TUBAL3: variants seen among roughly 807,000 people sequenced by gnomAD.
TUBAL3 encodes tubulin alpha like 3.
In TUBAL3, 16 loss-of-function variants were observed where a neutral mutation model predicts 15.5. That is an observed-to-expected ratio of 1.04 (90% confidence interval 0.70 to 1.57). The LOEUF is 1.57. Among genes scored for constraint, TUBAL3 ranks in the 40% most tolerant of loss-of-function variants. The pLI is 0.00. For missense variants in TUBAL3, 609 were observed against 576.2 expected, an observed-to-expected ratio of 1.06 and a Z score of -0.58; for synonymous variants, 238 against 224.3, an observed-to-expected ratio of 1.06 and a Z score of -0.55.
At chr10:5,403,028 TG>T (rs1831880031) in intron 1 of TUBAL3, among the ~76,000 whole-genome samples, 1 of 152,226 alleles carries the variant, frequency 6.6e-6, no homozygotes, top group African/African-American at 2.4e-5. Context: ...ATCAAACCTT[TG>T]TACTTTGTCT....
At position 5,393,881 on chromosome 10, in the gene TUBAL3, T is replaced by C; in HGVS notation, c.977A>G (p.Tyr326Cys). Residue 326 changes from tyrosine to cysteine, a missense_variant, in exon 4 of 4, where the codon TAT becomes TGT. By Grantham distance (194) the Tyr-to-Cys change is radical. Coordinates refer to ENST00000380419, the MANE Select transcript of TUBAL3 (RefSeq NM_024803.3). ...LGKYMACCLL[Y>C]RGDVVPKEVN... Reference sequence around the variant, plus strand: ...TTCCTTGGGGACCACATCCCCTCTATAGAGTAGGCAGCAGGCCATGTACTT... The same window carrying C: ...TTCCTTGGGGACCACATCCCCTCTACAGAGTAGGCAGCAGGCCATGTACTT... 1 of 1,614,156 alleles carries C rather than the reference T, an allele frequency of 6.2e-7. No homozygotes were observed. Among genetic ancestry groups the C allele is most frequent in the Non-Finnish European group, 8.5e-7 (1 of 1,180,034 alleles).
chr10:5,395,363 C>T lies in TUBAL3; in HGVS notation c.360G>A (p.Glu120=). ...TCCTCTCCAGCACAAGGTCGATGAC[C>T]TCCGACCCCACAGAGTAACGGCCTC... ...YARGRYSVGS[E]VIDLVLERTR... is the part of the protein sequence containing the mutation. Residue 120 remains glutamate (E), a synonymous_variant, in exon 3 of 4, where the codon GAG becomes GAA. Coordinates refer to ENST00000380419, the MANE Select transcript of TUBAL3 (RefSeq NM_024803.3). The surrounding 1 kb of genome is among the most constrained non-coding windows in gnomAD (Gnocchi z 4.6). The T allele has an allele frequency of 6.2e-6, 10 of 1,601,312 alleles. No individual in the cohort carries two copies. The highest frequency in any genetic ancestry group is 8.5e-6 in the Non-Finnish European group (10 of 1,172,374).
chr10:5,401,019 A>G lies in TUBAL3; in HGVS notation c.72T>C (p.Tyr24=). 1 of 1,614,186 alleles carries G rather than the reference A, an allele frequency of 6.2e-7. No individual in the cohort carries two copies. The highest frequency in any genetic ancestry group is 8.5e-7 in the Non-Finnish European group (1 of 1,180,026). ...TTGGCTGGATTCCATGTTCCAGGCA[A>G]TAGAGTTCCCAGCAGGCGTCCCCAA... ...IQIGDACWEL[Y]CLEHGIQPNG... is the part of the protein sequence containing the mutation. The change falls in exon 2 of 4, where the codon TAT becomes TAC. Residue 24 remains tyrosine (Y), a synonymous_variant. Transcript: ENST00000380419.
At chr10:5,400,331 G>A (rs552572205) in intron 2 of TUBAL3, among the ~76,000 whole-genome samples, 1 of 152,246 alleles carries the variant, frequency 6.6e-6, no homozygotes, top group East Asian at 1.9e-4. Context: ...TCATCACACA[G>A]GTAAAGAAGG....
At chr10:5,398,887 C>T (rs1412037431) in intron 2 of TUBAL3, among the ~76,000 whole-genome samples, 10 of 152,132 alleles carry the variant, frequency 6.6e-5, no homozygotes, top group African/African-American at 2.4e-4. Flanking sequence ...GTAGAAATGT[C>T]TATTAAGTTG....
At chr10:5,401,223 A>G in intron 1 of TUBAL3, 136 bp from the exon 2 acceptor site, 1 of 1,109,588 alleles carries the variant, frequency 9.0e-7, no homozygotes, top group Non-Finnish European at 1.3e-6. Context: ...AAGGATAATC[A>G]AAAGCGTTTC....
chr10:5,400,761 C>T (rs1831837604), intron 2 of TUBAL3, 83 bp downstream of exon 2: 1 of 1,539,684 alleles, frequency 6.5e-7, no homozygotes, highest in Non-Finnish European at 8.9e-7. Context: ...TCAGATAGAC[C>T]TGTATAATCT....
chr10:5,399,399 C>T (rs1554814440), intron 2 of TUBAL3, among the ~76,000 whole-genome samples: 1 of 152,198 alleles, frequency 6.6e-6, no homozygotes. Flanking sequence ...GAGACACAGA[C>T]TATTTCTCTG....
In TUBAL3 at chr10:5,393,992, T is replaced by C. The variant is rs782565558; in HGVS notation, c.866A>G (p.Tyr289Cys). The change falls in exon 4 of 4, where the codon TAC becomes TGC. Residue 289 changes from tyrosine (Y) to cysteine (C), a missense_variant. Coordinates refer to ENST00000380419, the MANE Select transcript of TUBAL3 (RefSeq NM_024803.3). Reference sequence around the variant, plus strand: ...GTCTGACACAGAGAACTGCTCATGGTAGGCTTTGTCAGCAGAGACGATGGG... The same window carrying C: ...GTCTGACACAGAGAACTGCTCATGGCAGGCTTTGTCAGCAGAGACGATGGG... Reference protein sequence around the residue: ...FAPIVSADKAYHEQFSVSDIT... With the variant: ...FAPIVSADKACHEQFSVSDIT... The C allele has an allele frequency of 6.2e-7, 1 of 1,614,110 alleles. No individual in the cohort carries two copies. Among genetic ancestry groups the C allele is most frequent in the East Asian group, 2.2e-5 (1 of 44,886 alleles).
rs1554814592 is a variant in TUBAL3, at chr10:5,400,974, A to G, written c.117T>C (p.Thr39=). The change falls in exon 2 of 4, where the codon ACT becomes ACC. Residue 39 remains threonine, a synonymous_variant. Transcript: ENST00000380419. The part of the protein sequence containing the change: ...GIQPNGVVLD[T]QQDQLENAKM... ...TTGCATTTTCCAGCTGATCCTGTTG[A>G]GTGTCAAGAACAACGCCATTTGGCT... 1 of 1,614,226 alleles carries G rather than the reference A, an allele frequency of 6.2e-7. No homozygotes were observed.
chr10:5,400,292 G>A (rs1453579728), intron 2 of TUBAL3, among the ~76,000 whole-genome samples: 6 of 152,162 alleles, frequency 3.9e-5, no homozygotes, highest in Non-Finnish European at 7.3e-5. Flanking sequence ...TGATATATGT[G>A]TGGATCAATT....
At chr10:5,404,696 T>C (rs1210731323) in intron 1 of TUBAL3, 94 bp downstream of exon 1, 3 of 1,312,462 alleles carry the variant, frequency 2.3e-6, no homozygotes, top group Non-Finnish European at 3.3e-6. Flanking sequence ...TTCTCTTGCA[T>C]TACAATTTTA....
Position 5,393,215 on chromosome 10 carries a change from C to T in TUBAL3, c.*302G>A, listed in dbSNP as rs888101101. 18 of 293,100 alleles carry T rather than the reference C, an allele frequency of 6.1e-5. No homozygotes were observed. Among genetic ancestry groups the T allele is most frequent in the African/African-American group, 3.7e-4 (17 of 46,384 alleles). The allele number at this position is 293,100 out of a possible 1,614,324, so 18.2% of individuals were successfully genotyped here. A position where few individuals can be genotyped will look rare whatever the true frequency, so the allele number is the denominator to read the frequency against. On this transcript the variant is annotated 3_prime_UTR_variant, in exon 4 of 4. Transcript: ENST00000380419. ...CGGTACCAGAAAGGAAAAGCATAAACTTCAGGATTTCATTGTCTCTTGGTA... is the reference window on the plus strand; with the variant it reads ...CGGTACCAGAAAGGAAAAGCATAAATTTCAGGATTTCATTGTCTCTTGGTA...
rs149687567 is a variant in TUBAL3 at position 5,393,833 on chromosome 10, G to A, written c.1025C>T (p.Thr342Met). Reference protein sequence around the residue: ...PKEVNAAIAATKSRHSVQFVD... With the variant: ...PKEVNAAIAAMKSRHSVQFVD... ...AAACTGAACAGAGTGCCTCGACTTC[G>A]TGGCTGCGATTGCTGCATTCACTTC... is the stretch of plus-strand genomic sequence containing the variant. The change falls in exon 4 of 4, where the codon ACG becomes ATG. Residue 342 changes from threonine (T) to methionine (M), a missense_variant. Physicochemically the swap from Thr to Met is moderately conservative, Grantham distance 81. Transcript: ENST00000380419. 9.5e-5 allele frequency: 154 copies of A among 1,614,190 alleles called. No homozygotes were observed. In the African/African-American group the frequency reaches 1.2e-3, roughly 13 times the overall value.
At chr10:5,403,966 C>T (rs1554814852) in intron 1 of TUBAL3, among the ~76,000 whole-genome samples, 2 of 152,292 alleles carry the variant, frequency 1.3e-5, no homozygotes, top group Admixed American at 6.5e-5. Context: ...AGATCCCTTG[C>T]ATCCGTTACC....
At position 5,393,539 on chromosome 10, in the gene TUBAL3, T is replaced by C; in HGVS notation, c.1319A>G (p.Glu440Gly). The part of the protein sequence containing the change: ...EDLAALERDY[E>G]EVAQSF The stretch of plus-strand genomic sequence containing the variant: ...GCCTCAGAAACTTTGCGCCACTTCC[T>C]CATAGTCCCTCTCCAGGGCTGCCAG... Residue 440 changes from glutamate (E) to glycine (G), a missense_variant, in exon 4 of 4, where the codon GAG becomes GGG. Physicochemically the swap from Glu to Gly is moderately conservative, Grantham distance 98. Transcript: ENST00000380419. The C allele has an allele frequency of 1.2e-6, 2 of 1,610,374 alleles. No individual in the cohort carries two copies. The highest frequency in any genetic ancestry group is 1.7e-6 in the Non-Finnish European group (2 of 1,178,208).
chr10:5,403,389 A>G (rs1369286367), intron 1 of TUBAL3, among the ~76,000 whole-genome samples: 1 of 152,232 alleles, frequency 6.6e-6, no homozygotes, highest in Admixed American at 6.5e-5. Flanking sequence ...TTGTTTCTAC[A>G]TCATTAAAAC....
In TUBAL3 at chr10:5,393,884, A is replaced by G; in HGVS notation, c.974T>C (p.Leu325Pro). The G allele has an allele frequency of 6.2e-7, 1 of 1,614,194 alleles. No individual in the cohort carries two copies. Among genetic ancestry groups the G allele is most frequent in the Non-Finnish European group, 8.5e-7 (1 of 1,180,032 alleles). The stretch of plus-strand genomic sequence containing the variant: ...CTTGGGGACCACATCCCCTCTATAG[A>G]GTAGGCAGCAGGCCATGTACTTCCC... ...RLGKYMACCLLYRGDVVPKEV... is the reference protein window; with the variant it reads ...RLGKYMACCLPYRGDVVPKEV... The change falls in exon 4 of 4, where the codon CTC becomes CCC. Residue 325 changes from leucine (L) to proline (P), a missense_variant. Physicochemically the swap from Leu to Pro is moderately conservative, Grantham distance 98. Transcript: ENST00000380419.
In TUBAL3 at chr10:5,393,513, T is replaced by A. The variant is rs375080713; in HGVS notation, c.*4A>T. The A allele has an allele frequency of 6.3e-7, 1 of 1,593,146 alleles. No individual in the cohort carries two copies. Among genetic ancestry groups the A allele is most frequent in the East Asian group, 2.2e-5 (1 of 44,692 alleles). The stretch of plus-strand genomic sequence containing the variant: ...GACATTCATTTGCACCCATCATACA[T>A]GCCTCAGAAACTTTGCGCCACTTCC... On this transcript the variant is annotated 3_prime_UTR_variant, in exon 4 of 4. Coordinates refer to ENST00000380419, the MANE Select transcript of TUBAL3 (RefSeq NM_024803.3).
Sources: allele counts gnomAD v4.1 joint callset (sites outside exome capture counted in the v4.1 genomes callset), GRCh38; gene constraint gnomAD v4.1.1; non-coding constraint Gnocchi (gnomAD v3.1); transcripts MANE v1.5; gene names NCBI Gene and HGNC (gene_info 2026-07-23, HGNC 2026-07-21).